Variants in RPS6KC1 observed in about 807,000 individuals in gnomAD.
RPS6KC1 encodes inactive ribosomal protein S6 kinase delta-1.
Under a neutral mutation model 103.8 loss-of-function variants are expected in RPS6KC1, and 54 were observed. The ratio of observed to expected loss-of-function variants is 0.52; its 90% CI spans 0.42 to 0.65. The LOEUF is 0.65. Ranked by LOEUF, RPS6KC1 falls within the 30% of genes least tolerant of loss-of-function variation. RPS6KC1 has a pLI of 0.00. For synonymous variants in RPS6KC1, 439 were observed against 438.7 expected (o/e 1.00, Z -0.01); for missense variants, 1,151 against 1,253.8 (o/e 0.92, Z 1.24).
At chr1:213,631,678 G>A in the RPS6KC1 span, among the ~76,000 whole-genome samples, 3 of 152,050 alleles carry the variant, frequency 2.0e-5, no homozygotes, top group East Asian at 3.9e-4. Context: ...GCCTTCTAGT[G>A]TATTGATTTT....
chr1:213,699,013 G>T, the RPS6KC1 span, among the ~76,000 whole-genome samples: 1 of 151,502 alleles, frequency 6.6e-6, no homozygotes, highest in African/African-American at 2.4e-5. Context: ...TGGAAAATGG[G>T]GTATTATTAC....
chr1:213,121,630 C>G (rs555960106), intron 5 of RPS6KC1, among the ~76,000 whole-genome samples: 1 of 152,178 alleles, frequency 6.6e-6, no homozygotes, highest in Non-Finnish European at 1.5e-5. Flanking sequence ...ACATATTTCT[C>G]TCACCTGTTG....
chr1:213,207,879 G>C (rs907107586), intron 8 of RPS6KC1, among the ~76,000 whole-genome samples: 3 of 151,942 alleles, frequency 2.0e-5, no homozygotes, highest in Non-Finnish European at 4.4e-5. Context: ...CACCATGTTG[G>C]CCAGGCTGGT....
chr1:213,766,662 T>C, the RPS6KC1 span, among the ~76,000 whole-genome samples: 1 of 152,220 alleles, frequency 6.6e-6, no homozygotes, highest in Non-Finnish European at 1.5e-5. Context: ...TTTTACTGTT[T>C]CCTCATGCTT....
At chr1:213,455,964 G>A in the RPS6KC1 span, among the ~76,000 whole-genome samples, 1 of 152,212 alleles carries the variant, frequency 6.6e-6, no homozygotes, top group South Asian at 2.1e-4. Flanking sequence ...CTTACCCGTG[G>A]GGTAACCTCT....
chr1:213,554,077 T>A, the RPS6KC1 span, among the ~76,000 whole-genome samples: 1,080 of 152,324 alleles, frequency 7.1e-3, 7 homozygotes, highest in Non-Finnish European at 0.012. Context: ...GCTTTTGAAG[T>A]CTTCATCATA....
At chr1:213,245,141 G>T (rs1047789990) in intron 12 of RPS6KC1, among the ~76,000 whole-genome samples, 12 of 152,218 alleles carry the variant, frequency 7.9e-5, no homozygotes, top group Middle Eastern at 3.4e-3. Context: ...GGAAATTGGA[G>T]CAAAAATTTG....
chr1:213,241,963 T>C lies in RPS6KC1; in HGVS notation c.2487T>C (p.Asn829=). The change falls in exon 11 of 15, where the codon AAT becomes AAC. Residue 829 remains asparagine, a synonymous_variant. Coordinates refer to ENST00000366960, the MANE Select transcript of RPS6KC1 (RefSeq NM_012424.6). ...FRICSPLSGA[N]EYIASTDTLK... is the part of the protein sequence containing the mutation. ...TTTGTAGTCCACTCTCAGGTGCTAA[T>C]GAATATATTGCAAGCACAGACACTT... 1.2e-6 allele frequency: 2 copies of C among 1,614,004 alleles called. No individual in the cohort carries two copies. The highest frequency in any genetic ancestry group is 1.7e-6 in the Non-Finnish European group (2 of 1,179,938).
At chr1:213,079,530 T>A (rs2079659340) in intron 3 of RPS6KC1, among the ~76,000 whole-genome samples, 1 of 152,054 alleles carries the variant, frequency 6.6e-6, no homozygotes. Context: ...TGATTCTCCT[T>A]CCTTGGCTTC....
chr1:213,219,135 G>T (rs1054826968), intron 8 of RPS6KC1, among the ~76,000 whole-genome samples: 17 of 152,172 alleles, frequency 1.1e-4, no homozygotes, highest in African/African-American at 3.6e-4. Flanking sequence ...CTAATATCCA[G>T]AATCTACAAT....
intron 8 of RPS6KC1, among the ~76,000 whole-genome samples, chr1:213,186,192 C>CT (rs907663538): frequency 2.2e-4 from 31 of 140,576 alleles, no homozygotes; most frequent in East Asian, 6.2e-4. Context: ...AGTGTTTTTT[C>CT]TTTTTTTTTT....
chr1:213,455,070 G>A, the RPS6KC1 span, among the ~76,000 whole-genome samples: 5 of 152,144 alleles, frequency 3.3e-5, no homozygotes, highest in Non-Finnish European at 7.4e-5. Context: ...GGACATTGAG[G>A]GGAGAAAGGC....
the RPS6KC1 span, among the ~76,000 whole-genome samples, chr1:213,856,039 C>G: frequency 1.3e-5 from 2 of 152,188 alleles, no homozygotes; most frequent in Non-Finnish European, 2.9e-5. Context: ...ACGAGGGAGC[C>G]TGGCTGTCAC....
At chr1:213,480,482 T>C in the RPS6KC1 span, among the ~76,000 whole-genome samples, 1 of 150,632 alleles carries the variant, frequency 6.6e-6, no homozygotes, top group Admixed American at 6.6e-5. Flanking sequence ...CACCTAGCAA[T>C]CTTGATGTAC....
At chr1:213,508,780 TG>T in the RPS6KC1 span, among the ~76,000 whole-genome samples, 5 of 152,206 alleles carry the variant, frequency 3.3e-5, no homozygotes, top group Non-Finnish European at 1.5e-5. Context: ...GTGTGTCTTT[TG>T]GGGGCTCAAT....
chr1:213,229,807 T>G (rs943575678), intron 8 of RPS6KC1, among the ~76,000 whole-genome samples: 1 of 152,224 alleles, frequency 6.6e-6, no homozygotes, highest in Non-Finnish European at 1.5e-5. Context: ...TTCTAACTTA[T>G]GTTTTAAAAA....
the RPS6KC1 span, among the ~76,000 whole-genome samples, chr1:213,710,826 G>C: frequency 1.3e-5 from 2 of 152,170 alleles, no homozygotes; most frequent in Non-Finnish European, 2.9e-5. Flanking sequence ...TTTACTTTAA[G>C]AATGTTGAAA....
the RPS6KC1 span, among the ~76,000 whole-genome samples, chr1:213,728,065 TG>T: frequency 6.6e-6 from 1 of 152,096 alleles, no homozygotes; most frequent in Non-Finnish European, 1.5e-5. Context: ...GAAGCCATTG[TG>T]GGCCACTGAG....
chr1:213,120,997 G>C (rs560434761), intron 5 of RPS6KC1, among the ~76,000 whole-genome samples: 1 of 152,298 alleles, frequency 6.6e-6, no homozygotes, highest in East Asian at 1.9e-4. Flanking sequence ...GTGTTACCCA[G>C]GCTTAGTGCA....
Sources: gnomAD v4.1 joint callset for allele counts (sites outside exome capture counted in the v4.1 genomes callset) on GRCh38, gnomAD v4.1.1 for gene constraint, MANE v1.5 for transcripts, NCBI Gene and HGNC (gene_info 2026-07-23, HGNC 2026-07-21) for gene names.